The following AASDH variants were observed in gnomAD, a reference collection of about 807,000 sequenced individuals.
AASDH encodes the protein aminoadipate-semialdehyde dehydrogenase, also known as beta-alanine-activating enzyme.
A neutral mutation model predicts 102.3 loss-of-function variants in AASDH; 81 were observed. That is an observed-to-expected ratio of 0.79 (90% CI 0.66 to 0.95). The LOEUF is 0.95. AASDH is among the 40% of genes least tolerant of loss of function. The pLI is 0.00. For synonymous variants in AASDH, 398 were observed against 454.0 expected (o/e 0.88, Z 1.57); for missense variants, 1,203 against 1,266.2 (o/e 0.95, Z 0.76).
chr4:56,351,584 TCAA>T (rs1376299925), intron 9 of AASDH, 127 bp from the exon 10 acceptor site: 3 of 580,392 alleles, frequency 5.2e-6, no homozygotes, highest in Admixed American at 6.6e-5. Flanking sequence ...GAGTTTGTTG[TCAA>T]CAATCAATTC....
chr4:56,375,668 C>T (rs1458549364), intron 4 of AASDH, among the ~76,000 whole-genome samples: 1 of 152,104 alleles, frequency 6.6e-6, no homozygotes, highest in East Asian at 1.9e-4. Context: ...CTCCACCTCC[C>T]CCAGATTCCT....
chr4:56,343,558 C>T lies in AASDH; in HGVS notation c.2775+4G>A, dbSNP rs753856583. 4.4e-6 allele frequency: 7 copies of T among 1,599,044 alleles called. No individual in the cohort carries two copies. The highest frequency in any genetic ancestry group is 5.1e-6 in the Non-Finnish European group (6 of 1,172,804). On this transcript the variant is annotated splice_donor_region_variant and intron_variant, in intron 13 of 14. Coordinates refer to ENST00000205214, the MANE Select transcript of AASDH (RefSeq NM_181806.4). ...AAAATCAATATGTATTATTTTATGCCTACAGGATTTACAGCCAGTAAAAGT... is the reference window on the plus strand; with the variant it reads ...AAAATCAATATGTATTATTTTATGCTTACAGGATTTACAGCCAGTAAAAGT...
chr4:56,358,094 ATAT>A (rs1195065355), intron 5 of AASDH, among the ~76,000 whole-genome samples: 1 of 151,934 alleles, frequency 6.6e-6, no homozygotes, highest in Non-Finnish European at 1.5e-5. Flanking sequence ...GCTAGTGTAA[ATAT>A]TATCTTAATT....
At chr4:56,340,432 C>G (rs941196671) in intron 14 of AASDH, among the ~76,000 whole-genome samples, 2 of 152,122 alleles carry the variant, frequency 1.3e-5, no homozygotes, top group African/African-American at 2.4e-5. Context: ...AATGGACACC[C>G]CTCTTCAATG....
chr4:56,379,892 CGTT>C (rs1392855029), intron 3 of AASDH, among the ~76,000 whole-genome samples: 2 of 152,046 alleles, frequency 1.3e-5, no homozygotes. Flanking sequence ...AGGTGAGGTG[CGTT>C]GTTGATAGGA....
rs139791243 is a variant in AASDH, at chr4:56,340,164, A to T, written c.2908-1373T>A. Among the ~76,000 whole-genome samples, 50 of 152,312 alleles carry T rather than the reference A, an allele frequency of 3.3e-4. 1 individual carries two copies. The East Asian group carries it at 8.9e-3, about 27-fold the overall frequency. On this transcript the variant is annotated intron_variant, in intron 14 of 14. Coordinates refer to ENST00000205214, the MANE Select transcript of AASDH (RefSeq NM_181806.4). Reference sequence around the variant, plus strand: ...AGCCTGGGCAACAGAACAAGATTCCATCTCAAAAAATAAAATTAAAGAAAA... The same window carrying T: ...AGCCTGGGCAACAGAACAAGATTCCTTCTCAAAAAATAAAATTAAAGAAAA...
At chr4:56,346,212 G>A (rs1577963965) in intron 11 of AASDH, among the ~76,000 whole-genome samples, 1 of 152,164 alleles carries the variant, frequency 6.6e-6, no homozygotes, top group Admixed American at 6.5e-5. Context: ...TTTCATTGAT[G>A]CCCACTCTCT....
chr4:56,357,329 C>CA (rs956916263), intron 5 of AASDH, among the ~76,000 whole-genome samples: 1 of 152,024 alleles, frequency 6.6e-6, no homozygotes, highest in Non-Finnish European at 1.5e-5. Flanking sequence ...TAGAAGGAAC[C>CA]AAAAAGCAAC....
chr4:56,356,009 A>C (rs1423920793), intron 5 of AASDH: 3 of 482,712 alleles, frequency 6.2e-6, no homozygotes. Flanking sequence ...GATTACACAA[A>C]AAGGTTTAGG....
At chr4:56,340,370 G>A (rs1458669592) in intron 14 of AASDH, among the ~76,000 whole-genome samples, 4 of 152,120 alleles carry the variant, frequency 2.6e-5, no homozygotes, top group East Asian at 3.8e-4. Flanking sequence ...ATAAATCCAC[G>A]TAGTTACAGC....
At position 56,372,700 on chromosome 4, in the gene AASDH, G is replaced by A. The variant is rs189180819; in HGVS notation, c.669-1057C>T. ...ATTGTGTGTTAAAGGTGTAGGGGCC[G>A]AAAGGCTGTGATACCTTTCCTCCCC... On this transcript the variant is annotated intron_variant, in intron 4 of 14. Coordinates refer to ENST00000205214, the MANE Select transcript of AASDH (RefSeq NM_181806.4). 1.8e-3 allele frequency among the ~76,000 whole-genome samples: 272 copies of A among 152,320 alleles called. 2 individuals carry two copies. Among genetic ancestry groups the A allele is most frequent in the African/African-American group, 5.8e-3 (243 of 41,580 alleles).
Position 56,343,575 on chromosome 4 carries a change from A to C in AASDH, c.2762T>G (p.Leu921Arg). 6.2e-7 allele frequency: 1 copy of C among 1,608,756 alleles called. No individual in the cohort carries two copies. The highest frequency in any genetic ancestry group is 1.7e-5 in the Admixed American group (1 of 59,598). Reference protein sequence around the residue: ...LYFATLGGLLLAVNPATGNVI... With the variant: ...LYFATLGGLLRAVNPATGNVI... ...TTTTATGCCTACAGGATTTACAGCC[A>C]GTAAAAGTCCTCCCAATGTAGCAAA... The change falls in exon 13 of 15, where the codon CTG becomes CGG. Residue 921 changes from leucine to arginine, a missense_variant. Leu to Arg is a moderately radical substitution (Grantham distance 102). Coordinates refer to ENST00000205214, the MANE Select transcript of AASDH (RefSeq NM_181806.4).
intron 12 of AASDH, 76 bp from the exon 13 acceptor site, chr4:56,343,760 A>G: frequency 7.2e-7 from 1 of 1,386,014 alleles, no homozygotes; most frequent in Non-Finnish European, 9.7e-7. Flanking sequence ...TCATGATATT[A>G]TGTCTGTTTA....
chr4:56,372,980 T>C (rs1458245043), intron 4 of AASDH, among the ~76,000 whole-genome samples: 5 of 152,164 alleles, frequency 3.3e-5, no homozygotes, highest in Non-Finnish European at 7.3e-5. Context: ...CCTTTTAAAT[T>C]CCTGGCCTCT....
At chr4:56,382,845 G>A (rs1399941091) in intron 2 of AASDH, among the ~76,000 whole-genome samples, 4 of 152,168 alleles carry the variant, frequency 2.6e-5, no homozygotes, top group Admixed American at 6.5e-5. Context: ...TGAGGCGAGC[G>A]AATCACCTGA....
intron 5 of AASDH, chr4:56,356,143 A>G (rs1749609462): frequency 1.5e-6 from 1 of 657,830 alleles, no homozygotes; most frequent in Non-Finnish European, 2.7e-6. Flanking sequence ...AGATGCCAAA[A>G]GGAAAGGCCA....
At chr4:56,379,828 T>C (rs545303838) in intron 3 of AASDH, among the ~76,000 whole-genome samples, 1 of 152,230 alleles carries the variant, frequency 6.6e-6, no homozygotes, top group Non-Finnish European at 1.5e-5. Context: ...AAAGCTGGTA[T>C]GTGAACATTA....
chr4:56,346,189 C>CTA (rs1441301346), intron 11 of AASDH, among the ~76,000 whole-genome samples: 3 of 152,212 alleles, frequency 2.0e-5, no homozygotes, highest in African/African-American at 7.2e-5. Flanking sequence ...TTGGGGACAG[C>CTA]TATTTAGGGC....
intron 9 of AASDH, among the ~76,000 whole-genome samples, chr4:56,352,685 C>T (rs1263636757): frequency 5.3e-5 from 8 of 152,140 alleles, no homozygotes; most frequent in Admixed American, 6.6e-5. Flanking sequence ...CGCGAGTTGC[C>T]GCCCCTGGCC....
Sources: allele counts gnomAD v4.1 joint callset (sites outside exome capture counted in the v4.1 genomes callset), GRCh38; gene constraint gnomAD v4.1.1; transcripts MANE v1.5; gene names NCBI Gene and HGNC (gene_info 2026-07-23, HGNC 2026-07-21).